ARHGAP24: variants seen among roughly 807,000 people sequenced by gnomAD.
ARHGAP24 encodes rho GTPase-activating protein 24.
Under a neutral mutation model 76.4 loss-of-function variants are expected in ARHGAP24, and 50 were observed. The ratio of observed to expected loss-of-function variants is 0.65; its 90% CI spans 0.52 to 0.83. ARHGAP24 has a LOEUF of 0.83. Ranked by LOEUF, ARHGAP24 falls within the 40% of genes least tolerant of loss-of-function variation. The pLI is 0.00. For missense variants in ARHGAP24, 930 were observed against 914.2 expected (o/e 1.02, Z -0.22); for synonymous variants, 345 against 323.3 (o/e 1.07, Z -0.72).
At chr4:85,597,160 A>G (rs575056832) in intron 2 of ARHGAP24, among the ~76,000 whole-genome samples, 1 of 152,282 alleles carries the variant, frequency 6.6e-6, no homozygotes, top group African/African-American at 2.4e-5. Flanking sequence ...TACATGTTAG[A>G]AATCAAGCTT....
intron 4 of ARHGAP24, among the ~76,000 whole-genome samples, chr4:85,935,541 T>G (rs530946906): frequency 6.6e-6 from 1 of 152,232 alleles, no homozygotes; most frequent in Non-Finnish European, 1.5e-5. Flanking sequence ...AAATTATGTT[T>G]GAATTCAATT....
intron 2 of ARHGAP24, among the ~76,000 whole-genome samples, chr4:85,624,091 G>A (rs989730850): frequency 1.3e-5 from 2 of 152,042 alleles, no homozygotes; most frequent in Admixed American, 6.6e-5. Flanking sequence ...CTTCTCCTGA[G>A]TGATTGCCCT....
intron 3 of ARHGAP24, among the ~76,000 whole-genome samples, chr4:85,880,689 C>T (rs572036986): frequency 4.6e-5 from 7 of 152,100 alleles, no homozygotes; most frequent in Admixed American, 2.0e-4. Context: ...ACATCACGCC[C>T]GGCTAATTTT....
At chr4:85,700,158 G>A (rs1724022690) in intron 2 of ARHGAP24, among the ~76,000 whole-genome samples, 1 of 152,234 alleles carries the variant, frequency 6.6e-6, no homozygotes, top group African/African-American at 2.4e-5. Flanking sequence ...AGTTTGGGAG[G>A]CAGAGGTGGG....
At chr4:85,786,423 A>G (rs1727846560) in intron 3 of ARHGAP24, among the ~76,000 whole-genome samples, 1 of 152,300 alleles carries the variant, frequency 6.6e-6, no homozygotes, top group East Asian at 1.9e-4. Context: ...CCTTCCACAC[A>G]ATGTTTTCTT....
chr4:85,543,152 A>C (rs1393964328), intron 1 of ARHGAP24, among the ~76,000 whole-genome samples: 2 of 152,246 alleles, frequency 1.3e-5, no homozygotes, highest in African/African-American at 4.8e-5. Context: ...GAGGAAAATA[A>C]TGAACAATAA....
At chr4:85,813,818 TTA>T (rs35261368) in intron 3 of ARHGAP24, among the ~76,000 whole-genome samples, 18,922 of 136,996 alleles carry the variant, frequency 0.14, 1,469 homozygotes, top group East Asian at 0.28. Flanking sequence ...TATATTTATT[TTA>T]TATATATATA....
At chr4:85,925,741 G>A (rs1282718024) in intron 4 of ARHGAP24, among the ~76,000 whole-genome samples, 1 of 152,060 alleles carries the variant, frequency 6.6e-6, no homozygotes, top group Non-Finnish European at 1.5e-5. Context: ...GAGATTTCCG[G>A]TGTCCAGTGG....
At chr4:85,535,474 A>G (rs982770198) in intron 1 of ARHGAP24, among the ~76,000 whole-genome samples, 8 of 152,328 alleles carry the variant, frequency 5.3e-5, no homozygotes, top group African/African-American at 1.9e-4. Context: ...AGGTCTAGAG[A>G]TAGAAAAAGT....
At chr4:85,971,136 A>G (rs528052342) in intron 5 of ARHGAP24, among the ~76,000 whole-genome samples, 1 of 152,316 alleles carries the variant, frequency 6.6e-6, no homozygotes, top group South Asian at 2.1e-4. Context: ...TAGACAAGCA[A>G]TTATGCTTAG....
At chr4:85,597,808 G>C (rs982435951) in intron 2 of ARHGAP24, among the ~76,000 whole-genome samples, 21 of 152,090 alleles carry the variant, frequency 1.4e-4, no homozygotes, top group African/African-American at 4.8e-4. Context: ...ATCTTAAAGA[G>C]TATGTGAAAT....
At chr4:85,633,413 A>G (rs2110014084) in intron 2 of ARHGAP24, among the ~76,000 whole-genome samples, 1 of 152,050 alleles carries the variant, frequency 6.6e-6, no homozygotes, top group Admixed American at 6.6e-5. Context: ...TTTATGTGGT[A>G]TCTTCCATTA....
intron 1 of ARHGAP24, among the ~76,000 whole-genome samples, chr4:85,557,786 G>A (rs887369139): frequency 6.6e-6 from 1 of 152,118 alleles, no homozygotes; most frequent in Non-Finnish European, 1.5e-5. Flanking sequence ...CATTTTCCCT[G>A]TGGATCTCCC....
intron 2 of ARHGAP24, among the ~76,000 whole-genome samples, chr4:85,673,216 T>A (rs1722868542): frequency 6.6e-6 from 1 of 152,168 alleles, no homozygotes; most frequent in Non-Finnish European, 1.5e-5. Context: ...ATTCAGAGAT[T>A]CTCTATCGCA....
intron 2 of ARHGAP24, among the ~76,000 whole-genome samples, chr4:85,623,566 T>C (rs1720805421): frequency 6.6e-6 from 1 of 152,140 alleles, no homozygotes; most frequent in Non-Finnish European, 1.5e-5. Context: ...ATTGACTTTG[T>C]GATGCGGGCT....
chr4:85,567,107 G>A (rs1244773190), intron 1 of ARHGAP24, among the ~76,000 whole-genome samples: 1 of 152,140 alleles, frequency 6.6e-6, no homozygotes, highest in Non-Finnish European at 1.5e-5. Context: ...ATAGGCCATG[G>A]TAAGACTCTG....
chr4:85,746,886 C>T (rs960015769), intron 3 of ARHGAP24, among the ~76,000 whole-genome samples: 5 of 152,020 alleles, frequency 3.3e-5, no homozygotes, highest in African/African-American at 1.2e-4. Flanking sequence ...ATCTCCTGAC[C>T]TCGTGATCTG....
chr4:85,932,598 A>G (rs1736401965), intron 4 of ARHGAP24, among the ~76,000 whole-genome samples: 1 of 152,184 alleles, frequency 6.6e-6, no homozygotes, highest in Non-Finnish European at 1.5e-5. Context: ...AATGGCCAAC[A>G]CTGGGTAGGG....
intron 1 of ARHGAP24, among the ~76,000 whole-genome samples, chr4:85,540,146 T>C (rs1461372466): frequency 6.6e-6 from 1 of 152,044 alleles, no homozygotes; most frequent in African/African-American, 2.4e-5. Context: ...CATCACATTA[T>C]TAAAATTAAT....
Sources: gnomAD v4.1 joint callset for allele counts (sites outside exome capture counted in the v4.1 genomes callset) on GRCh38, gnomAD v4.1.1 for gene constraint, MANE v1.5 for transcripts, NCBI Gene and HGNC (gene_info 2026-07-23, HGNC 2026-07-21) for gene names.